BTLA: variants seen among roughly 807,000 people sequenced by gnomAD.
BTLA encodes B and T lymphocyte associated.
In BTLA, 11 loss-of-function variants were observed where a neutral mutation model predicts 25.0. The observed-to-expected ratio is 0.44, with a 90% CI of 0.28 to 0.73. The LOEUF is 0.73. Ranked by LOEUF, BTLA falls within the 30% of genes least tolerant of loss-of-function variation. The pLI is 0.15. For synonymous variants in BTLA, 104 were observed against 119.8 expected, an observed-to-expected ratio of 0.87 and a Z score of 0.86; for missense variants, 282 against 332.8, an observed-to-expected ratio of 0.85 and a Z score of 1.19.
At chr3:112,474,491 A>T (rs909223219) in intron 2 of BTLA, among the ~76,000 whole-genome samples, 1 of 151,930 alleles carries the variant, frequency 6.6e-6, no homozygotes, top group African/African-American at 2.4e-5. Flanking sequence ...CCTTTTGTGA[A>T]GGAAGTTAAA....
chr3:112,473,963 G>C (rs1347852641), intron 2 of BTLA, among the ~76,000 whole-genome samples: 1 of 152,084 alleles, frequency 6.6e-6, no homozygotes, highest in Non-Finnish European at 1.5e-5. Flanking sequence ...TTTGGGAAGG[G>C]TGAAGTGGCA....
chr3:112,469,939 A>T (rs1218038431), intron 3 of BTLA, 135 bp from the exon 4 acceptor site: 9 of 655,798 alleles, frequency 1.4e-5, no homozygotes, highest in Non-Finnish European at 2.4e-5. Flanking sequence ...TGCTTTGCCT[A>T]GCACACACTT....
chr3:112,481,605 G>A (rs957925521), intron 1 of BTLA, among the ~76,000 whole-genome samples: 4 of 152,220 alleles, frequency 2.6e-5, no homozygotes, highest in Admixed American at 6.5e-5. Flanking sequence ...TATGATGGGA[G>A]GGGCAGCCTC....
At chr3:112,468,114 T>C (rs1326170494) in intron 4 of BTLA, among the ~76,000 whole-genome samples, 1 of 152,208 alleles carries the variant, frequency 6.6e-6, no homozygotes, top group African/African-American at 2.4e-5. Flanking sequence ...CACCTTACAT[T>C]CCTATGGCAG....
At chr3:112,478,120 A>G (rs1422685618) in intron 2 of BTLA, among the ~76,000 whole-genome samples, 1 of 151,728 alleles carries the variant, frequency 6.6e-6, no homozygotes, top group East Asian at 1.9e-4. Flanking sequence ...TTGCAACTCA[A>G]TGTGAATTTT....
intron 1 of BTLA, among the ~76,000 whole-genome samples, chr3:112,488,472 T>A (rs1293101884): frequency 6.6e-6 from 1 of 152,198 alleles, no homozygotes; most frequent in African/African-American, 2.4e-5. Context: ...TCCGCCCGCC[T>A]CGGGCTCCCA....
chr3:112,469,603 C>CTATG (rs1332931319), intron 4 of BTLA, among the ~76,000 whole-genome samples, 155 bp downstream of exon 4: 2 of 41,054 alleles, frequency 4.9e-5, no homozygotes, highest in South Asian at 7.5e-4. Flanking sequence ...AAAAATGGGT[C>CTATG]TATGTATATA....
intron 4 of BTLA, among the ~76,000 whole-genome samples, chr3:112,468,086 A>G (rs1360879977): frequency 6.6e-6 from 1 of 152,252 alleles, no homozygotes; most frequent in Non-Finnish European, 1.5e-5. Context: ...GAGATGATAA[A>G]GCCAGAAACA....
chr3:112,474,955 G>A (rs76172083), intron 2 of BTLA, among the ~76,000 whole-genome samples: 1 of 152,190 alleles, frequency 6.6e-6, no homozygotes, highest in Non-Finnish European at 1.5e-5. Flanking sequence ...TGTGACCACT[G>A]GGGATGCTAT....
chr3:112,468,471 G>A (rs1022343470), intron 4 of BTLA, among the ~76,000 whole-genome samples: 10 of 151,982 alleles, frequency 6.6e-5, no homozygotes, highest in Non-Finnish European at 1.2e-4. Context: ...ACTGAAATGG[G>A]GCAAAAATCT....
chr3:112,466,527 T>C (rs1052280548), intron 4 of BTLA, 144 bp from the exon 5 acceptor site: 3 of 679,522 alleles, frequency 4.4e-6, no homozygotes, highest in Non-Finnish European at 6.7e-6. Context: ...TCTGCTGACA[T>C]CTACACTTTC....
chr3:112,483,055 G>C (rs1188831312), intron 1 of BTLA, among the ~76,000 whole-genome samples: 1 of 151,266 alleles, frequency 6.6e-6, no homozygotes, highest in Non-Finnish European at 1.5e-5. Flanking sequence ...ACAATGAGAT[G>C]GTTATAGACA....
At chr3:112,467,202 C>A (rs1437252420) in intron 4 of BTLA, among the ~76,000 whole-genome samples, 1 of 152,088 alleles carries the variant, frequency 6.6e-6, no homozygotes, top group Non-Finnish European at 1.5e-5. Flanking sequence ...CCTCGTGATC[C>A]GCCCGCCTCG....
At chr3:112,476,436 CA>C (rs1375947943) in intron 2 of BTLA, among the ~76,000 whole-genome samples, 4 of 152,154 alleles carry the variant, frequency 2.6e-5, no homozygotes, top group African/African-American at 9.7e-5. Flanking sequence ...TATAAAGTAA[CA>C]AATTAATTTT....
intron 1 of BTLA, among the ~76,000 whole-genome samples, chr3:112,485,168 CCCGG>C (rs1482732688): frequency 6.6e-6 from 1 of 152,118 alleles, no homozygotes; most frequent in African/African-American, 2.4e-5. Flanking sequence ...CCTCAGCCTC[CCCGG>C]TGGCTGGGAT....
intron 1 of BTLA, among the ~76,000 whole-genome samples, chr3:112,491,989 C>G (rs1159388899): frequency 1.3e-5 from 2 of 152,232 alleles, no homozygotes; most frequent in African/African-American, 4.8e-5. Context: ...ACCAGCAAGG[C>G]TTGCCTTGGT....
At chr3:112,476,803 C>T (rs1489979630) in intron 2 of BTLA, among the ~76,000 whole-genome samples, 3 of 152,270 alleles carry the variant, frequency 2.0e-5, no homozygotes, top group Non-Finnish European at 4.4e-5. Flanking sequence ...ATATTTATCA[C>T]CCCAAAAGGA....
At chr3:112,494,396 G>A (rs1029988818) in intron 1 of BTLA, among the ~76,000 whole-genome samples, 15 of 152,056 alleles carry the variant, frequency 9.9e-5, no homozygotes, top group South Asian at 4.1e-4. Context: ...CAGCAATCCC[G>A]TTACTGGGTA....
At chr3:112,491,388 T>C (rs1008408161) in intron 1 of BTLA, among the ~76,000 whole-genome samples, 13 of 152,212 alleles carry the variant, frequency 8.5e-5, no homozygotes, top group African/African-American at 2.7e-4. Context: ...TATTATGAGG[T>C]AGGCACTTTT....
Sources: allele counts gnomAD v4.1 joint callset (sites outside exome capture counted in the v4.1 genomes callset), GRCh38; gene constraint gnomAD v4.1.1; transcripts MANE v1.5; gene names NCBI Gene and HGNC (gene_info 2026-07-23, HGNC 2026-07-21).